Variants in VPS13C observed in about 807,000 individuals in gnomAD.
The protein encoded by VPS13C is vacuolar protein sorting 13 homolog C, also known as intermembrane lipid transfer protein VPS13C.
A neutral mutation model predicts 456.8 loss-of-function variants in VPS13C; 358 were observed. The ratio of observed to expected loss-of-function variants is 0.78; its 90% CI spans 0.72 to 0.86. The LOEUF is 0.86. Among genes scored for constraint, VPS13C ranks in the 40% least tolerant of loss-of-function variants. The pLI is 0.00. For missense variants in VPS13C, 4,818 were observed against 4,385.4 expected (o/e 1.10, Z -2.79); for synonymous variants, 1,578 against 1,486.7 (o/e 1.06, Z -1.41).
intron 28 of VPS13C, among the ~76,000 whole-genome samples, chr15:61,968,922 C>T (rs531529081): frequency 2.1e-4 from 32 of 152,036 alleles, no homozygotes; most frequent in Non-Finnish European, 4.3e-4. Flanking sequence ...GTTTATAAAA[C>T]AGGAATAATA....
At chr15:61,964,502 A>T (rs2045318319) in intron 31 of VPS13C, among the ~76,000 whole-genome samples, 197 bp downstream of exon 31, 1 of 152,058 alleles carries the variant, frequency 6.6e-6, no homozygotes, top group South Asian at 2.1e-4. Context: ...CCAAAATAAG[A>T]ACTAAAAGAA....
At chr15:61,873,585 C>T (rs1322159885) in intron 77 of VPS13C, among the ~76,000 whole-genome samples, 176 bp from the exon 78 acceptor site, 2 of 151,908 alleles carry the variant, frequency 1.3e-5, no homozygotes, top group Non-Finnish European at 1.5e-5. Context: ...GATCAATAAT[C>T]ATCAGGAAAG....
chr15:61,957,425 G>T (rs1042692052), intron 37 of VPS13C, among the ~76,000 whole-genome samples: 1 of 151,976 alleles, frequency 6.6e-6, no homozygotes, highest in East Asian at 1.9e-4. Context: ...ATAGTGCACC[G>T]AATATTTGTA....
chr15:61,909,003 T>C lies in VPS13C; in HGVS notation c.8967A>G (p.Thr2989=), dbSNP rs768079877. The change falls in exon 65 of 85, where the codon ACA becomes ACG. Residue 2989 remains threonine, a synonymous_variant. Transcript: ENST00000644861. ...IMNHTPWDIL[T]YKQSGSPEEM... ...CTTTTTTCTCATACCTCTGTTTGTA[T>C]GTGAGGATGTCCCATGGTGTATGGT... The C allele has an allele frequency of 7.5e-5, 121 of 1,613,870 alleles. No individual in the cohort carries two copies. Among genetic ancestry groups the C allele is most frequent in the Non-Finnish European group, 9.8e-5 (116 of 1,179,872 alleles).
Position 61,922,436 on chromosome 15 carries a change from C to T in VPS13C, c.6936G>A (p.Trp2312Ter). 6.2e-7 allele frequency: 1 copy of T among 1,613,788 alleles called. No individual in the cohort carries two copies. Among genetic ancestry groups the T allele is most frequent in the Non-Finnish European group, 8.5e-7 (1 of 1,179,840 alleles). The part of the protein sequence containing the change: ...ESKFSGNIKN[W>*]TSLMAAVADV... ...CAGCAACAGCAGCCATTAGAGAAGT[C>T]CAATTTTTAATATTTCCTGAAAACT... Residue 2312 changes from tryptophan (W) to a stop codon, truncating the protein, a stop_gained, in exon 54 of 85, where the codon TGG becomes TGA. Coordinates refer to ENST00000644861, the MANE Select transcript of VPS13C (RefSeq NM_020821.3). LOFTEE classifies it high-confidence loss of function.
At chr15:61,893,568 CACAG>C (rs1415886010) in intron 66 of VPS13C, among the ~76,000 whole-genome samples, 3 of 149,892 alleles carry the variant, frequency 2.0e-5, no homozygotes, top group Non-Finnish European at 3.0e-5. Context: ...AAACTAAGTA[CACAG>C]ACAAATTGAG....
At chr15:62,027,326 C>A (rs1343412376) in intron 6 of VPS13C, among the ~76,000 whole-genome samples, 1 of 152,048 alleles carries the variant, frequency 6.6e-6, no homozygotes, top group Non-Finnish European at 1.5e-5. Context: ...GCTACCCAGA[C>A]TACAGTAAGC....
At chr15:61,913,540 A>C in intron 61 of VPS13C, 125 bp from the exon 62 acceptor site, 1 of 718,940 alleles carries the variant, frequency 1.4e-6, no homozygotes. Context: ...TATATAATCA[A>C]AGCCATATTG....
Position 61,927,280 on chromosome 15 carries a change from G to A in VPS13C, c.6327C>T (p.Ile2109=), listed in dbSNP as rs757021708. The stretch of plus-strand genomic sequence containing the variant: ...CAACAAATACCACTTCTGGATCTGT[G>A]ATCATGGCCTTTAAAGTCATATTTG... ...VRPNMTLKAM[I]TDPEVVFVAS... Residue 2109 remains isoleucine, a synonymous_variant, in exon 52 of 85, where the codon ATC becomes ATT. Transcript: ENST00000644861. 7.4e-6 allele frequency: 12 copies of A among 1,614,046 alleles called. No homozygotes were observed. Among genetic ancestry groups the A allele is most frequent in the Middle Eastern group, 1.6e-4 (1 of 6,084 alleles).
chr15:61,975,008 G>A (rs2045662239), intron 24 of VPS13C, among the ~76,000 whole-genome samples: 1 of 152,038 alleles, frequency 6.6e-6, no homozygotes, highest in Middle Eastern at 3.2e-3. Context: ...TAGCCTTGTG[G>A]CAGCTAGTCA....
rs188594544 is a variant in VPS13C at position 62,001,942 on chromosome 15, G to A, written c.1291-1316C>T. On this transcript the variant is annotated intron_variant, in intron 15 of 84. Transcript: ENST00000644861. The stretch of plus-strand genomic sequence containing the variant: ...ATTGTTGGACATTTGGGTTGGTTCC[G>A]AGTCTTTGCTATTGTGAATAATGCC... Among the ~76,000 whole-genome samples, 162 of 152,158 alleles carry A rather than the reference G, an allele frequency of 1.1e-3. 2 individuals are homozygous for A. Among genetic ancestry groups the A allele is most frequent in the Admixed American group, 2.0e-3 (30 of 15,280 alleles).
intron 57 of VPS13C, 40 bp from the exon 58 acceptor site, chr15:61,919,489 T>A (rs763047952): frequency 6.9e-7 from 1 of 1,452,326 alleles, no homozygotes; most frequent in South Asian, 1.6e-5. Context: ...CAAATATTAA[T>A]TTGCCAATGT....
At chr15:62,015,143 C>A (rs2047184679) in intron 9 of VPS13C, among the ~76,000 whole-genome samples, 2 of 152,160 alleles carry the variant, frequency 1.3e-5, no homozygotes, top group Non-Finnish European at 2.9e-5. Context: ...TGACCACTAT[C>A]ATTAGTCACA....
chr15:61,863,035 G>A (rs186460786), intron 82 of VPS13C, among the ~76,000 whole-genome samples: 7 of 152,194 alleles, frequency 4.6e-5, no homozygotes, highest in African/African-American at 1.4e-4. Context: ...TAGAAGTAAT[G>A]CCACCCTTTA....
At chr15:62,047,459 T>A (rs2048453568) in intron 1 of VPS13C, among the ~76,000 whole-genome samples, 1 of 151,496 alleles carries the variant, frequency 6.6e-6, no homozygotes, top group Admixed American at 6.6e-5. Flanking sequence ...AAAAAAGCAG[T>A]ATCTATTTCT....
At chr15:62,050,973 C>A (rs1366238339) in intron 1 of VPS13C, among the ~76,000 whole-genome samples, 1 of 148,278 alleles carries the variant, frequency 6.7e-6, no homozygotes, top group Non-Finnish European at 1.5e-5. Context: ...TTATAGAAAA[C>A]AACCAAGCTA....
chr15:61,873,209 A>G, intron 78 of VPS13C, 37 bp downstream of exon 78: 1 of 1,608,724 alleles, frequency 6.2e-7, no homozygotes, highest in Non-Finnish European at 8.5e-7. Context: ...CTTTTTTTTA[A>G]GTTGCAGATT....
At chr15:61,881,923 T>C (rs1895886976) in intron 69 of VPS13C, 95 bp from the exon 70 acceptor site, 1 of 1,090,074 alleles carries the variant, frequency 9.2e-7, no homozygotes, top group African/African-American at 1.6e-5. Context: ...ACTTTCATCA[T>C]AATTAAGTGT....
chr15:62,027,557 C>T (rs2047678655), intron 6 of VPS13C, among the ~76,000 whole-genome samples: 1 of 152,026 alleles, frequency 6.6e-6, no homozygotes, highest in Non-Finnish European at 1.5e-5. Context: ...ATTAAAGTTC[C>T]TAGCTACAGA....
Sources: gnomAD v4.1 joint callset for allele counts (sites outside exome capture counted in the v4.1 genomes callset) on GRCh38, gnomAD v4.1.1 for gene constraint, MANE v1.5 for transcripts, NCBI Gene and HGNC (gene_info 2026-07-23, HGNC 2026-07-21) for gene names.